ADAM23: variants seen among roughly 807,000 people sequenced by gnomAD.
The protein encoded by ADAM23 is ADAM metallopeptidase domain 23.
ADAM23 carries 33 observed loss-of-function variants against 120.1 expected under a neutral mutation model. That is an observed-to-expected ratio of 0.27 (90% CI 0.21 to 0.37). ADAM23 has a LOEUF of 0.37. Ranked by LOEUF, ADAM23 falls within the 10% of genes least tolerant of loss-of-function variation. ADAM23 has a pLI of 1.00. For synonymous variants in ADAM23, 367 were observed against 375.2 expected, an observed-to-expected ratio of 0.98 and a Z score of 0.25; for missense variants, 862 against 1,058.2, an observed-to-expected ratio of 0.81 and a Z score of 2.57.
chr2:206,617,349 G>T (rs1460273436), intron 25 of ADAM23, among the ~76,000 whole-genome samples: 1 of 152,150 alleles, frequency 6.6e-6, no homozygotes, highest in Non-Finnish European at 1.5e-5. Context: ...GTTTTGTTTG[G>T]TCTTCACCAA....
At chr2:206,517,850 G>C (rs1001898573) in intron 3 of ADAM23, among the ~76,000 whole-genome samples, 1 of 152,148 alleles carries the variant, frequency 6.6e-6, no homozygotes, top group Non-Finnish European at 1.5e-5. Context: ...GTTAATGCTA[G>C]CATTTCTACC....
rs546439799 is a variant in ADAM23 at position 206,615,581 on chromosome 2, A to G, written c.2451-1998A>G. Among the ~76,000 whole-genome samples the G allele has an allele frequency of 2.0e-5, 3 of 152,276 alleles. No individual in the cohort carries two copies. In the South Asian group the frequency reaches 6.2e-4, roughly 32 times the overall value. Reference sequence around the variant, plus strand: ...CTCATCGCAGTGTGGCCTCCCTTGTAGAGGAGCTCACTTTCCCCCTGCTGG... The same window carrying G: ...CTCATCGCAGTGTGGCCTCCCTTGTGGAGGAGCTCACTTTCCCCCTGCTGG... On this transcript the variant is annotated intron_variant, in intron 25 of 25. Coordinates refer to ENST00000264377, the MANE Select transcript of ADAM23 (RefSeq NM_003812.4).
At position 206,444,063 on chromosome 2, in the gene ADAM23, G is replaced by A. The variant is rs2105843514; in HGVS notation, c.197G>A (p.Gly66Glu). 2 of 1,378,284 alleles carry A rather than the reference G, an allele frequency of 1.5e-6. No individual in the cohort carries two copies. The highest frequency in any genetic ancestry group is 3.0e-5 in the East Asian group (1 of 32,896). The allele number at this position is 1,378,284 out of a possible 1,614,324, so 85.4% of individuals were successfully genotyped here. Residue 66 changes from glycine (G) to glutamate (E), a missense_variant, in exon 1 of 26, where the codon GGG (glycine) becomes GAG (glutamate). Transcript: ENST00000264377. ...LAASSRPRAWGAAAPSAPHWN... is the reference protein window; with the variant it reads ...LAASSRPRAWEAAAPSAPHWN... ...GCCTCGTCCCGGCCCCGCGCCTGGG[G>A]GGCTGCTGCGCCCAGCGGTGGGTAT...
At chr2:206,520,940 C>A (rs1209061409) in intron 3 of ADAM23, among the ~76,000 whole-genome samples, 4 of 151,906 alleles carry the variant, frequency 2.6e-5, no homozygotes, top group Non-Finnish European at 4.4e-5. Flanking sequence ...TTAGCTTTTC[C>A]CTGAATAGGC....
chr2:206,525,607 T>A (rs577426588), intron 3 of ADAM23, among the ~76,000 whole-genome samples: 1 of 152,272 alleles, frequency 6.6e-6, no homozygotes, highest in South Asian at 2.1e-4. Flanking sequence ...TTTGTTTTAT[T>A]CTGAGACAGA....
chr2:206,603,225 A>G (rs369710322), intron 24 of ADAM23, among the ~76,000 whole-genome samples: 1 of 152,348 alleles, frequency 6.6e-6, no homozygotes, highest in African/African-American at 2.4e-5. Context: ...CTTTGTAGCT[A>G]TGAAAAGCAG....
At chr2:206,588,617 T>C (rs1698369895) in intron 20 of ADAM23, among the ~76,000 whole-genome samples, 1 of 152,226 alleles carries the variant, frequency 6.6e-6, no homozygotes, top group Admixed American at 6.5e-5. Context: ...ATGTACTTCC[T>C]GAGATGCAGA....
At chr2:206,461,852 A>G (rs1379234286) in intron 2 of ADAM23, among the ~76,000 whole-genome samples, 7 of 152,168 alleles carry the variant, frequency 4.6e-5, no homozygotes, top group Non-Finnish European at 1.5e-5. Context: ...TGGGCATGTT[A>G]GATGGAGAGT....
chr2:206,595,770 A>G (rs1559281978), intron 23 of ADAM23, among the ~76,000 whole-genome samples: 1 of 152,146 alleles, frequency 6.6e-6, no homozygotes, highest in Non-Finnish European at 1.5e-5. Flanking sequence ...TTTAAGAATA[A>G]CATGAATAAT....
chr2:206,473,401 G>A (rs1482985529), intron 2 of ADAM23, among the ~76,000 whole-genome samples: 1 of 151,808 alleles, frequency 6.6e-6, no homozygotes, highest in African/African-American at 2.4e-5. Flanking sequence ...CTCCAAATTT[G>A]GTAATTAATC....
intron 25 of ADAM23, 91 bp from the exon 26 acceptor site, chr2:206,617,488 G>A (rs1389370255): frequency 2.9e-6 from 4 of 1,399,692 alleles, no homozygotes; most frequent in Non-Finnish European, 3.8e-6. Context: ...TAGCATTATT[G>A]TCATTATCAT....
intron 3 of ADAM23, among the ~76,000 whole-genome samples, chr2:206,500,503 T>C (rs1364715240): frequency 6.6e-6 from 1 of 152,180 alleles, no homozygotes; most frequent in East Asian, 1.9e-4. Flanking sequence ...ATCTCAGCGG[T>C]GAATGATACA....
chr2:206,615,741 A>C (rs1282886533), intron 25 of ADAM23, among the ~76,000 whole-genome samples: 3 of 152,232 alleles, frequency 2.0e-5, no homozygotes, highest in African/African-American at 7.2e-5. Flanking sequence ...CTGTAGAGCA[A>C]TATTTCTGCA....
At chr2:206,515,349 AG>A (rs923954925) in intron 3 of ADAM23, among the ~76,000 whole-genome samples, 6 of 152,180 alleles carry the variant, frequency 3.9e-5, no homozygotes, top group African/African-American at 1.4e-4. Flanking sequence ...ACATTCTTCC[AG>A]GGAAGGGCAC....
intron 3 of ADAM23, among the ~76,000 whole-genome samples, chr2:206,514,550 G>C (rs549048433): frequency 6.6e-6 from 1 of 152,318 alleles, no homozygotes; most frequent in East Asian, 1.9e-4. Context: ...TGGTGAAGTT[G>C]CTGTGAACAT....
intron 3 of ADAM23, among the ~76,000 whole-genome samples, chr2:206,500,501 G>T (rs777026713): frequency 1.3e-5 from 2 of 152,090 alleles, no homozygotes; most frequent in Admixed American, 6.6e-5. Context: ...CTATCTCAGC[G>T]GTGAATGATA....
chr2:206,492,591 A>C (rs1054584814), intron 3 of ADAM23, among the ~76,000 whole-genome samples: 1 of 152,160 alleles, frequency 6.6e-6, no homozygotes, highest in African/African-American at 2.4e-5. Flanking sequence ...CTGGTGAGGG[A>C]TCTCTGCTTG....
intron 2 of ADAM23, among the ~76,000 whole-genome samples, chr2:206,457,452 C>T (rs1364754581): frequency 1.3e-5 from 2 of 152,160 alleles, no homozygotes; most frequent in African/African-American, 2.4e-5. Context: ...AGGGAAGTTT[C>T]TGTCCTTTGT....
At chr2:206,566,713 C>T (rs578126457) in intron 14 of ADAM23, among the ~76,000 whole-genome samples, 26 of 152,110 alleles carry the variant, frequency 1.7e-4, no homozygotes, top group Non-Finnish European at 3.1e-4. Context: ...ATCTAACACA[C>T]CTCTTTAAGG....
Sources: allele counts gnomAD v4.1 joint callset (sites outside exome capture counted in the v4.1 genomes callset), GRCh38; gene constraint gnomAD v4.1.1; transcripts MANE v1.5; gene names NCBI Gene and HGNC (gene_info 2026-07-23, HGNC 2026-07-21).